The following IRX4 variants were observed in gnomAD, a reference collection of about 807,000 sequenced individuals.
IRX4 encodes the protein iroquois-class homeodomain protein IRX-4.
In IRX4, 22 loss-of-function variants were observed where a neutral mutation model predicts 32.0. The ratio of observed to expected loss-of-function variants is 0.69; its 90% CI spans 0.49 to 0.98. The LOEUF (loss-of-function observed/expected upper bound fraction) is 0.98, where lower values mean the gene tolerates loss of function less well. IRX4 is among the 50% of genes least tolerant of loss of function. The pLI, the probability that IRX4 is intolerant of heterozygous loss-of-function variation, is 0.00. For synonymous variants in IRX4, 379 were observed against 351.7 expected (o/e 1.08, Z -0.87); for missense variants, 840 against 744.2 (o/e 1.13, Z -1.50).
chr5:1,886,973 C>A (rs1255377467), upstream of IRX4: 1 of 151,224 alleles, frequency 6.6e-6, no homozygotes, highest in South Asian at 2.1e-4. Flanking sequence ...CCGCTCCCCT[C>A]GGCGGCCGCG....
At position 1,878,757 on chromosome 5, in the gene IRX4, T is replaced by C; in HGVS notation, c.772A>G (p.Ser258Gly). 1 of 1,613,272 alleles carries C rather than the reference T, an allele frequency of 6.2e-7. No individual in the cohort carries two copies. The highest frequency in any genetic ancestry group is 8.5e-7 in the Non-Finnish European group (1 of 1,179,946). ...VGKEEKELEL[S>G]DLDDFDPLEA... ...AGCGGGTCGAAGTCGTCCAAGTCACTAAGCTCCAGCTCCTTCTCCTCTTTG... is the reference window on the plus strand; with the variant it reads ...AGCGGGTCGAAGTCGTCCAAGTCACCAAGCTCCAGCTCCTTCTCCTCTTTG... Residue 258 changes from serine (S) to glycine (G), a missense_variant, in exon 5 of 5, where the codon AGT (serine) becomes GGT (glycine). This residue lies in a region of IRX4 where 585 missense variants were observed against 488.0 expected (regional missense o/e 1.20). Coordinates refer to ENST00000231357, the MANE Select transcript of IRX4 (RefSeq NM_016358.3).
In IRX4 at chr5:1,878,140, G is replaced by A. The variant is rs1735270746; in HGVS notation, c.1389C>T (p.Ala463=). The part of the protein sequence containing the change: ...LNQAWATAKG[A]LLDPGPLGRS... ...GTCCCAGAGGCCCGGGGTCCAGGAGGGCGCCCTTGGCGGTGGCCCAGGCCT... is the reference window on the plus strand; with the variant it reads ...GTCCCAGAGGCCCGGGGTCCAGGAGAGCGCCCTTGGCGGTGGCCCAGGCCT... Residue 463 remains alanine (A), a synonymous_variant, in exon 5 of 5, where the codon GCC becomes GCT. Transcript: ENST00000231357. The A allele has an allele frequency of 6.4e-7, 1 of 1,554,148 alleles. No homozygotes were observed. Among genetic ancestry groups the A allele is most frequent in the Admixed American group, 1.9e-5 (1 of 53,054 alleles).
chr5:1,880,791 C>T lies in IRX4; in HGVS notation c.341G>A (p.Gly114Asp). Residue 114 changes from glycine (G) to aspartate (D), a missense_variant, in exon 3 of 5, where the codon GGC becomes GAC. This residue lies in a region of IRX4 where 241 missense variants were observed against 220.8 expected (regional missense o/e 1.09). Coordinates refer to ENST00000231357, the MANE Select transcript of IRX4 (RefSeq NM_016358.3). ...SKDGSGSAHG[G>D]LAPAAAAYYP... Reference sequence around the variant, plus strand: ...GTAGGCGGCAGCGGCTGGTGCCAGGCCCCCATGCGCAGATCCCGAACCATC... The same window carrying T: ...GTAGGCGGCAGCGGCTGGTGCCAGGTCCCCATGCGCAGATCCCGAACCATC... 6.2e-7 allele frequency: 1 copy of T among 1,613,452 alleles called. No homozygotes were observed. Among genetic ancestry groups the T allele is most frequent in the South Asian group, 1.1e-5 (1 of 91,070 alleles).
rs1579255653 is a variant in IRX4 at position 1,882,623 on chromosome 5, G to T, written c.25C>A (p.Pro9Thr). 7.0e-7 allele frequency: 1 copy of T among 1,438,188 alleles called. No individual in the cohort carries two copies. Among genetic ancestry groups the T allele is most frequent in the Non-Finnish European group, 9.1e-7 (1 of 1,098,790 alleles). The allele number at this position is 1,438,188 out of a possible 1,614,324, so 89.1% of individuals were successfully genotyped here. The change falls in exon 1 of 5, where the codon CCC (proline) becomes ACC (threonine). Residue 9 changes from proline (P) to threonine (T), a missense_variant. Physicochemically the swap from Pro to Thr is conservative, Grantham distance 38. Around this residue, in one of 3 missense-constraint regions of IRX4, gnomAD observed 241 missense variants for 220.8 expected, o/e 1.09. Transcript: ENST00000231357. ...CTTACCTGGGGAGCCGAGGAGTAGG[G>T]GTATCCAAACTGCGGGTAGGACATG... Reference protein sequence around the residue: MSYPQFGYPYSSAPQFLMA... With the variant: MSYPQFGYTYSSAPQFLMA...
In IRX4 at chr5:1,879,845, T is replaced by C. The variant is rs762527462; in HGVS notation, c.408-13A>G. The C allele has an allele frequency of 1.9e-6, 3 of 1,613,362 alleles. No homozygotes were observed. The South Asian group carries it at 3.3e-5, about 18-fold the overall frequency. On this transcript the variant is annotated splice_polypyrimidine_tract_variant and intron_variant, in intron 3 of 4. Coordinates refer to ENST00000231357, the MANE Select transcript of IRX4 (RefSeq NM_016358.3). ...CATGGTTCCATACCTGGAGACAGGCTCTGCAATGGGCTCAGGCTGGGCCCT... is the reference window on the plus strand; with the variant it reads ...CATGGTTCCATACCTGGAGACAGGCCCTGCAATGGGCTCAGGCTGGGCCCT...
chr5:1,886,172 C>G (rs1735623416), upstream of IRX4, among the ~76,000 whole-genome samples: 1 of 152,276 alleles, frequency 6.6e-6, no homozygotes, highest in Admixed American at 6.5e-5. Context: ...TCCGGGGAGA[C>G]AGGCCGGGCC....
upstream of IRX4, among the ~76,000 whole-genome samples, chr5:1,886,283 G>A (rs1409514486): frequency 6.6e-6 from 1 of 152,258 alleles, no homozygotes; most frequent in Non-Finnish European, 1.5e-5. Flanking sequence ...GCTCCTTCCA[G>A]CCCAGAGAAG....
rs1333692482 is a variant in IRX4 at position 1,878,041 on chromosome 5, G to A, written c.1488C>T (p.Asp496=). 1 of 1,512,174 alleles carries A rather than the reference G, an allele frequency of 6.6e-7. No homozygotes were observed. The highest frequency in any genetic ancestry group is 2.0e-5 in the Admixed American group (1 of 48,974). The allele number at this position is 1,512,174 out of a possible 1,614,324, so 93.7% of individuals were successfully genotyped here. Residue 496 remains aspartate (D), a synonymous_variant, in exon 5 of 5, where the codon GAC becomes GAT. Coordinates refer to ENST00000231357, the MANE Select transcript of IRX4 (RefSeq NM_016358.3). ...ARAFPPAVPQ[D]APAAGAAREL... Reference sequence around the variant, plus strand: ...CCCTGGCGGCGCCTGCAGCTGGGGCGTCCTGGGGCACGGCAGGCGGAAAGG... The same window carrying A: ...CCCTGGCGGCGCCTGCAGCTGGGGCATCCTGGGGCACGGCAGGCGGAAAGG...
rs1735506508 is a variant in IRX4, at chr5:1,882,924, A to G, written c.-277T>C. Reference sequence around the variant, plus strand: ...CAGCGGCGACAGAAATACATATTTTACGAAAAAGAAAAAAAAAAAAACGAG... The same window carrying G: ...CAGCGGCGACAGAAATACATATTTTGCGAAAAAGAAAAAAAAAAAAACGAG... On this transcript the variant is annotated 5_prime_UTR_variant, in exon 1 of 5. Transcript: ENST00000231357. Among the ~76,000 whole-genome samples, 1 of 137,994 alleles carries G rather than the reference A, an allele frequency of 7.2e-6. No homozygotes were observed. Among genetic ancestry groups the G allele is most frequent in the African/African-American group, 2.6e-5 (1 of 37,892 alleles). 90.5% of individuals were successfully genotyped at this position (137,994 alleles called of 152,430 possible). A position where few individuals can be genotyped will look rare whatever the true frequency, so the allele number is the denominator to read the frequency against.
chr5:1,881,317 GGCGGGGGGAGGAGCAA>G (rs374837024), intron 2 of IRX4, among the ~76,000 whole-genome samples: 29 of 110,626 alleles, frequency 2.6e-4, no homozygotes, highest in Non-Finnish European at 3.4e-4. Flanking sequence ...GGAGGCGCAA[GGCGGGGGGAGGAGCAA>G]GGGTGGGGGA....
At position 1,878,541 on chromosome 5, in the gene IRX4, C is replaced by A; in HGVS notation, c.988G>T (p.Ala330Ser). Residue 330 changes from alanine (A) to serine (S), a missense_variant, in exon 5 of 5, where the codon GCG (alanine) becomes TCG (serine). Coordinates refer to ENST00000231357, the MANE Select transcript of IRX4 (RefSeq NM_016358.3). Reference protein sequence around the residue: ...LERARSCLRSAAAGPEPLPGA... With the variant: ...LERARSCLRSSAAGPEPLPGA... ...GGCAGTGGCTCCGGCCCGGCCGCCGCGCTGCGGAGACAGCTCCGGGCCCTC... is the reference window on the plus strand; with the variant it reads ...GGCAGTGGCTCCGGCCCGGCCGCCGAGCTGCGGAGACAGCTCCGGGCCCTC... 6.8e-7 allele frequency: 1 copy of A among 1,473,924 alleles called. No individual in the cohort carries two copies. The highest frequency in any genetic ancestry group is 8.9e-7 in the Non-Finnish European group (1 of 1,118,090). The allele number at this position is 1,473,924 out of a possible 1,614,324, so 91.3% of individuals were successfully genotyped here. A position where few individuals can be genotyped will look rare whatever the true frequency, so the allele number is the denominator to read the frequency against.
chr5:1,881,695 G>A (rs1396329133), intron 2 of IRX4, 113 bp downstream of exon 2: 11 of 1,314,394 alleles, frequency 8.4e-6, no homozygotes, highest in African/African-American at 7.4e-5. Flanking sequence ...CAAGGTGAGC[G>A]CCTCCCCTCT....
intron 3 of IRX4, 96 bp downstream of exon 3, chr5:1,880,629 C>G: frequency 2.4e-6 from 2 of 848,124 alleles, no homozygotes; most frequent in Non-Finnish European, 4.0e-6. Flanking sequence ...TGCCTCCCGC[C>G]TTCCAGAAAG....
chr5:1,882,805 T>A lies in IRX4; in HGVS notation c.-158A>T. 2.4e-6 allele frequency: 1 copy of A among 425,424 alleles called. No homozygotes were observed. Among genetic ancestry groups the A allele is most frequent in the Non-Finnish European group, 4.2e-6 (1 of 238,510 alleles). The allele number at this position is 425,424 out of a possible 1,614,324, so 26.4% of individuals were successfully genotyped here. ...CATCCCCGCGCTCCGCAAACTTTTC[T>A]AACCGGGTAACAAAGTGAGCAGCGG... On this transcript the variant is annotated 5_prime_UTR_variant, in exon 1 of 5. Transcript: ENST00000231357.
Position 1,881,939 on chromosome 5 carries a change from G to A in IRX4, c.166C>T (p.Leu56=), listed in dbSNP as rs1258787965. 1 of 1,572,312 alleles carries A rather than the reference G, an allele frequency of 6.4e-7. No individual in the cohort carries two copies. Among genetic ancestry groups the A allele is most frequent in the African/African-American group, 1.4e-5 (1 of 73,724 alleles). Residue 56 remains leucine (L), a synonymous_variant, in exon 2 of 5, where the codon CTG becomes TTG. Transcript: ENST00000231357. ...PVYCPVYESR[L]LATARHELNS... ...AGCTCGTGGCGCGCGGTGGCCAGCA[G>A]CCGGCTCTCGTAGACCGGGCAGTAG...
intron 2 of IRX4, 30 bp downstream of exon 2, chr5:1,881,778 C>A (rs1284499192): frequency 1.3e-6 from 2 of 1,563,166 alleles, no homozygotes; most frequent in African/African-American, 1.4e-5. Context: ...GGGCCAGGGG[C>A]AGGGCAAGGG....
chr5:1,878,740 G>A lies in IRX4; in HGVS notation c.789C>T (p.Phe263=). The A allele has an allele frequency of 1.2e-6, 2 of 1,613,088 alleles. No homozygotes were observed. The highest frequency in any genetic ancestry group is 1.7e-6 in the Non-Finnish European group (2 of 1,179,962). ...CCGGCGGCTCTGCTTCCAGCGGGTC[G>A]AAGTCGTCCAAGTCACTAAGCTCCA... is the stretch of plus-strand genomic sequence containing the variant. ...KELELSDLDD[F]DPLEAEPPAC... The change falls in exon 5 of 5, where the codon TTC becomes TTT. Residue 263 remains phenylalanine, a synonymous_variant. Coordinates refer to ENST00000231357, the MANE Select transcript of IRX4 (RefSeq NM_016358.3).
chr5:1,885,177 C>T (rs1040366155), upstream of IRX4, among the ~76,000 whole-genome samples: 1 of 152,198 alleles, frequency 6.6e-6, no homozygotes, highest in Admixed American at 6.5e-5. Context: ...GCTCAGCCCA[C>T]CCAGACCTGA....
intron 2 of IRX4, chr5:1,881,176 G>C: frequency 2.6e-6 from 1 of 378,136 alleles, no homozygotes; most frequent in Non-Finnish European, 5.0e-6. Flanking sequence ...CTGGGAGAAG[G>C]AGTGGGGATT....
Sources: allele counts gnomAD v4.1 joint callset (sites outside exome capture counted in the v4.1 genomes callset), GRCh38; gene constraint gnomAD v4.1.1; regional missense constraint gnomAD v4.1.1; transcripts MANE v1.5; gene names NCBI Gene and HGNC (gene_info 2026-07-23, HGNC 2026-07-21).